Variants in NALF1 observed in about 807,000 individuals in gnomAD.
NALF1 encodes the protein NALCN channel auxiliary factor 1.
A neutral mutation model predicts 48.4 loss-of-function variants in NALF1; 3 were observed. The ratio of observed to expected loss-of-function variants is 0.06; its 90% confidence interval spans 0.03 to 0.16. NALF1 has a LOEUF of 0.16. Among genes scored for constraint, NALF1 ranks in the 10% least tolerant of loss-of-function variants. The pLI is 1.00. For missense variants in NALF1, 526 were observed against 571.5 expected (o/e 0.92, Z 0.81); for synonymous variants, 262 against 245.7 (o/e 1.07, Z -0.62).
intron 1 of NALF1, among the ~76,000 whole-genome samples, chr13:107,614,764 CTT>C (rs1274084664): frequency 1.4e-5 from 2 of 142,932 alleles, no homozygotes; most frequent in African/African-American, 2.5e-5. Context: ...CTCTTTTTTT[CTT>C]TTTTTTTTTT....
At chr13:107,245,450 A>T (rs1208851332) in intron 1 of NALF1, among the ~76,000 whole-genome samples, 1 of 152,230 alleles carries the variant, frequency 6.6e-6, no homozygotes, top group Non-Finnish European at 1.5e-5. Context: ...TATCTGGCTC[A>T]GCCTCTTATC....
At chr13:107,833,756 G>A (rs1259400877) in intron 1 of NALF1, among the ~76,000 whole-genome samples, 1 of 152,122 alleles carries the variant, frequency 6.6e-6, no homozygotes, top group Non-Finnish European at 1.5e-5. Flanking sequence ...CTAAGGCCAT[G>A]ATAATGCTTC....
At chr13:107,456,698 T>G (rs975341007) in intron 1 of NALF1, among the ~76,000 whole-genome samples, 1 of 152,218 alleles carries the variant, frequency 6.6e-6, no homozygotes, top group African/African-American at 2.4e-5. Flanking sequence ...AAAAATAAAT[T>G]GCAGAGAACA....
intron 1 of NALF1, among the ~76,000 whole-genome samples, chr13:107,748,052 TA>T (rs1555322951): frequency 6.6e-6 from 1 of 152,164 alleles, no homozygotes; most frequent in Non-Finnish European, 1.5e-5. Flanking sequence ...CATTCTAACG[TA>T]ACAACAAAAT....
intron 1 of NALF1, among the ~76,000 whole-genome samples, chr13:107,621,247 T>A (rs185725754): frequency 6.6e-6 from 1 of 152,358 alleles, no homozygotes; most frequent in Non-Finnish European, 1.5e-5. Context: ...TCAAGGACAG[T>A]AAGAATATTT....
intron 1 of NALF1, among the ~76,000 whole-genome samples, chr13:107,755,478 T>G (rs1310357404): frequency 6.6e-6 from 1 of 151,712 alleles, no homozygotes; most frequent in Non-Finnish European, 1.5e-5. Context: ...AAATGTCTTT[T>G]TCATGAGTCC....
chr13:107,804,653 G>A (rs536522805), intron 1 of NALF1, among the ~76,000 whole-genome samples: 4 of 152,112 alleles, frequency 2.6e-5, no homozygotes, highest in East Asian at 1.9e-4. Flanking sequence ...GGAGAATATC[G>A]GCACACTGTC....
chr13:107,846,667 T>G (rs115232677), intron 1 of NALF1, among the ~76,000 whole-genome samples: 60 of 152,326 alleles, frequency 3.9e-4, no homozygotes, highest in African/African-American at 1.3e-3. Context: ...ATTCCAGAGT[T>G]GGTGAAAAGA....
intron 1 of NALF1, among the ~76,000 whole-genome samples, chr13:107,375,923 T>TACAC (rs373266204): frequency 3.7e-4 from 56 of 149,418 alleles, no homozygotes; most frequent in African/African-American, 9.1e-4. Context: ...CAACCTGCTA[T>TACAC]ACACACACAC....
chr13:107,729,178 T>C (rs781036315), intron 1 of NALF1, among the ~76,000 whole-genome samples: 1 of 152,176 alleles, frequency 6.6e-6, no homozygotes, highest in Non-Finnish European at 1.5e-5. Flanking sequence ...GGATATTTTT[T>C]ATTTAAAAAA....
intron 1 of NALF1, among the ~76,000 whole-genome samples, chr13:107,505,186 G>A (rs952954735): frequency 3.9e-5 from 6 of 152,186 alleles, no homozygotes; most frequent in Admixed American, 2.0e-4. Context: ...GGAATATGTG[G>A]AAGGATGTTC....
At chr13:107,771,769 G>A (rs866209473) in intron 1 of NALF1, among the ~76,000 whole-genome samples, 1 of 151,974 alleles carries the variant, frequency 6.6e-6, no homozygotes, top group Non-Finnish European at 1.5e-5. Context: ...ACGGAGTCTC[G>A]CTCTATCGCC....
intron 1 of NALF1, among the ~76,000 whole-genome samples, chr13:107,577,394 G>A (rs1878185045): frequency 6.6e-6 from 1 of 152,148 alleles, no homozygotes; most frequent in Admixed American, 6.5e-5. Flanking sequence ...GCAACAAGGG[G>A]CTGATACATG....
chr13:107,749,787 A>C (rs548263226), intron 1 of NALF1, among the ~76,000 whole-genome samples: 9 of 151,688 alleles, frequency 5.9e-5, no homozygotes, highest in African/African-American at 2.2e-4. Flanking sequence ...TTACTGTATC[A>C]GTTTGGTTTT....
intron 1 of NALF1, among the ~76,000 whole-genome samples, chr13:107,544,623 C>A (rs551410273): frequency 2.6e-5 from 4 of 152,118 alleles, no homozygotes; most frequent in African/African-American, 7.2e-5. Context: ...CACGGGCACT[C>A]GATAGCCATG....
In NALF1 at chr13:107,865,673, G is replaced by GGTTC; in HGVS notation, c.915+5_915+8dup. 1 of 1,609,788 alleles carries GGTTC rather than the reference G, an allele frequency of 6.2e-7. No individual in the cohort carries two copies. The highest frequency in any genetic ancestry group is 1.1e-5 in the South Asian group (1 of 90,894). On this transcript the variant is annotated intron_variant, in intron 1 of 2. Transcript: ENST00000375915. ...TGCAGGAAAGGGGGAAACCCCCGAG[G>GGTTC]GTTCCTACCTTACAGTCTTCAGGAC... is the stretch of plus-strand genomic sequence containing the variant.
At chr13:107,656,039 C>A (rs1227578681) in intron 1 of NALF1, among the ~76,000 whole-genome samples, 2 of 151,886 alleles carry the variant, frequency 1.3e-5, no homozygotes, top group African/African-American at 2.4e-5. Context: ...AAATCTAAGA[C>A]CTGAAATCAT....
At chr13:107,691,827 A>C (rs545430322) in intron 1 of NALF1, among the ~76,000 whole-genome samples, 1 of 152,346 alleles carries the variant, frequency 6.6e-6, no homozygotes, top group South Asian at 2.1e-4. Context: ...AAACAAATGC[A>C]AGGTAGGTTT....
intron 1 of NALF1, among the ~76,000 whole-genome samples, chr13:107,798,733 A>G (rs1240705493): frequency 6.6e-6 from 1 of 152,216 alleles, no homozygotes; most frequent in African/African-American, 2.4e-5. Context: ...GTTTGCCACT[A>G]TGAGATAAGA....
Sources: allele counts gnomAD v4.1 joint callset (sites outside exome capture counted in the v4.1 genomes callset), GRCh38; gene constraint gnomAD v4.1.1; transcripts MANE v1.5; gene names NCBI Gene and HGNC (gene_info 2026-07-23, HGNC 2026-07-21).